Variants in PTGFR observed in about 807,000 individuals in gnomAD.
PTGFR encodes prostaglandin F2-alpha receptor.
A neutral mutation model predicts 26.2 loss-of-function variants in PTGFR; 15 were observed. The ratio of observed to expected loss-of-function variants is 0.57; its 90% CI spans 0.38 to 0.88. The LOEUF (loss-of-function observed/expected upper bound fraction) is 0.88, where lower values mean the gene tolerates loss of function less well. Ranked by LOEUF, PTGFR falls within the 40% of genes least tolerant of loss-of-function variation. The pLI is 0.00. For missense variants in PTGFR, 369 were observed against 427.2 expected (o/e 0.86, Z 1.20); for synonymous variants, 165 against 151.1 (o/e 1.09, Z -0.68).
chr1:78,525,860 A>G (rs1326260470), intron 2 of PTGFR, among the ~76,000 whole-genome samples: 1 of 152,236 alleles, frequency 6.6e-6, no homozygotes, highest in African/African-American at 2.4e-5. Context: ...TCCAGGAACC[A>G]GGGACAATGA....
rs1650709570 is a variant in PTGFR at position 78,538,414 on chromosome 1, A to T, written c.*1727A>T. ...CAACATGGCCATGTGCAAGGCTTTA[A>T]GGAGTGAGAGAGATGTGTACATATC... is the stretch of plus-strand genomic sequence containing the variant. On this transcript the variant is annotated 3_prime_UTR_variant, in exon 3 of 3. Transcript: ENST00000370757. The T allele has an allele frequency of 6.6e-6, 1 of 152,002 alleles. No individual in the cohort carries two copies. 9.4% of individuals were successfully genotyped at this position (152,002 alleles called of 1,614,324 possible). A position where few individuals can be genotyped will look rare whatever the true frequency, so the allele number is the denominator to read the frequency against.
chr1:78,506,946 C>A (rs1263336461), intron 2 of PTGFR, among the ~76,000 whole-genome samples: 1 of 152,132 alleles, frequency 6.6e-6, no homozygotes, highest in East Asian at 1.9e-4. Flanking sequence ...GTTAATATTT[C>A]TGTTTTAACA....
At chr1:78,494,965 CT>C (rs766032385) in intron 2 of PTGFR, among the ~76,000 whole-genome samples, 34 of 152,342 alleles carry the variant, frequency 2.2e-4, no homozygotes, top group Non-Finnish European at 3.8e-4. Context: ...TTTGTGATAG[CT>C]GCTACTGCAG....
chr1:78,500,872 G>T (rs956980782), intron 2 of PTGFR, among the ~76,000 whole-genome samples: 5 of 152,128 alleles, frequency 3.3e-5, no homozygotes, highest in African/African-American at 9.7e-5. Flanking sequence ...TGTAAAATTG[G>T]CAAATGTCAA....
In PTGFR at chr1:78,532,365, TA is replaced by T. The variant is rs1291094917; in HGVS notation, c.799-4040del. 30 of 5,754 alleles carry T rather than the reference TA, an allele frequency of 5.2e-3. 1 individual carries two copies. The highest frequency in any genetic ancestry group is 0.037 in the African/African-American group (28 of 766). The allele number at this position is 5,754 out of a possible 1,614,324, so 0.4% of individuals were successfully genotyped here. On this transcript the variant is annotated intron_variant, in intron 2 of 2. Transcript: ENST00000370757. Reference sequence around the variant, plus strand: ...GTTTATGCCGTCAAGTAAATTCATTTATATATATATATATATATATATATAT... The same window carrying T: ...GTTTATGCCGTCAAGTAAATTCATTTTATATATATATATATATATATATAT...
intron 2 of PTGFR, among the ~76,000 whole-genome samples, chr1:78,520,807 G>A (rs1570289415): frequency 6.6e-6 from 1 of 152,042 alleles, no homozygotes. Flanking sequence ...ACTTTGTCAA[G>A]TACTTGTTAG....
chr1:78,495,344 T>C (rs1223248065), intron 2 of PTGFR, among the ~76,000 whole-genome samples: 3 of 152,242 alleles, frequency 2.0e-5, no homozygotes, highest in Admixed American at 2.0e-4. Context: ...GGTTAATGTA[T>C]GTAACTCGAC....
At chr1:78,496,915 A>C (rs1328614133) in intron 2 of PTGFR, among the ~76,000 whole-genome samples, 2 of 136,034 alleles carry the variant, frequency 1.5e-5, no homozygotes, top group East Asian at 4.2e-4. Flanking sequence ...TTTATTATTA[A>C]TATCTTGCTT....
intron 2 of PTGFR, among the ~76,000 whole-genome samples, chr1:78,530,767 A>T (rs1414457779): frequency 1.3e-5 from 2 of 152,232 alleles, no homozygotes; most frequent in East Asian, 3.8e-4. Context: ...CATCTTATTC[A>T]TAAATATAAC....
intron 1 of PTGFR, among the ~76,000 whole-genome samples, chr1:78,491,864 T>C (rs908812143): frequency 6.6e-6 from 1 of 152,206 alleles, no homozygotes. Context: ...CGTGGCCTTG[T>C]GTATCCAGTG....
intron 1 of PTGFR, among the ~76,000 whole-genome samples, chr1:78,492,228 A>C (rs1410437001): frequency 6.6e-6 from 1 of 152,238 alleles, no homozygotes; most frequent in Admixed American, 6.5e-5. Context: ...CAGGTCGTTT[A>C]ACTGAGGAAT....
intron 2 of PTGFR, chr1:78,532,398 G>C (rs867829133): frequency 1.3e-5 from 1 of 77,034 alleles, no homozygotes; most frequent in Non-Finnish European, 2.7e-5. Flanking sequence ...ATATATATAT[G>C]TATATATGTG....
chr1:78,525,319 C>G (rs559730249), intron 2 of PTGFR, among the ~76,000 whole-genome samples: 1 of 152,014 alleles, frequency 6.6e-6, no homozygotes, highest in South Asian at 2.1e-4. Context: ...GCTACAAATT[C>G]AGGTTTCCCA....
intron 2 of PTGFR, among the ~76,000 whole-genome samples, chr1:78,500,999 T>G (rs919085322): frequency 2.6e-5 from 4 of 151,492 alleles, no homozygotes; most frequent in African/African-American, 9.7e-5. Context: ...TAGAAAAACA[T>G]GACCTTTTTT....
At chr1:78,530,381 T>A (rs75382062) in intron 2 of PTGFR, among the ~76,000 whole-genome samples, 3,910 of 152,250 alleles carry the variant, frequency 0.026, 60 homozygotes, top group Middle Eastern at 0.079. Flanking sequence ...CCTACTTTTT[T>A]AAAAAGATGC....
chr1:78,527,798 T>G (rs1046182766), intron 2 of PTGFR, among the ~76,000 whole-genome samples: 1 of 152,152 alleles, frequency 6.6e-6, no homozygotes, highest in African/African-American at 2.4e-5. Context: ...GTGACCTCCA[T>G]GGATCCTAAC....
intron 2 of PTGFR, among the ~76,000 whole-genome samples, chr1:78,529,089 GC>G (rs1650445082): frequency 6.6e-6 from 1 of 152,148 alleles, no homozygotes; most frequent in African/African-American, 2.4e-5. Context: ...CTTTGAGAAT[GC>G]TTTGAAAAAT....
chr1:78,524,886 A>G (rs1570293346), intron 2 of PTGFR, among the ~76,000 whole-genome samples: 1 of 138,230 alleles, frequency 7.2e-6, no homozygotes, highest in East Asian at 2.1e-4. Context: ...CTAAAGCTCT[A>G]CACTTTGGAC....
intron 2 of PTGFR, among the ~76,000 whole-genome samples, chr1:78,527,059 T>A (rs1175678878): frequency 6.6e-6 from 1 of 152,110 alleles, no homozygotes; most frequent in Non-Finnish European, 1.5e-5. Flanking sequence ...TGGACTTCAG[T>A]TACAATGGCA....
Sources: allele counts gnomAD v4.1 joint callset (sites outside exome capture counted in the v4.1 genomes callset), GRCh38; gene constraint gnomAD v4.1.1; transcripts MANE v1.5; gene names NCBI Gene and HGNC (gene_info 2026-07-23, HGNC 2026-07-21).